Variants in ADGB observed in about 807,000 individuals in gnomAD.
ADGB encodes calpain-7-like protein.
Under a neutral mutation model 210.5 loss-of-function variants are expected in ADGB, and 172 were observed. The observed-to-expected ratio is 0.82, with a 90% CI of 0.72 to 0.93. ADGB has a LOEUF of 0.93. Among genes scored for constraint, ADGB ranks in the 40% least tolerant of loss-of-function variants. The pLI is 0.00. For synonymous variants in ADGB, 658 were observed against 662.7 expected, an observed-to-expected ratio of 0.99 and a Z score of 0.11; for missense variants, 2,025 against 1,964.8, an observed-to-expected ratio of 1.03 and a Z score of -0.58.
chr6:146,696,358 G>T (rs1279488178), intron 12 of ADGB, among the ~76,000 whole-genome samples: 1 of 149,402 alleles, frequency 6.7e-6, no homozygotes, highest in Non-Finnish European at 1.5e-5. Flanking sequence ...TTACAGGTGT[G>T]AGCCACAGTG....
At chr6:146,703,925 C>T (rs1323820710) in intron 13 of ADGB, among the ~76,000 whole-genome samples, 2 of 151,778 alleles carry the variant, frequency 1.3e-5, no homozygotes, top group Non-Finnish European at 2.9e-5. Context: ...TCTACCTTCT[C>T]ACCAGCAATA....
chr6:146,750,479 G>T (rs943503983), intron 26 of ADGB, among the ~76,000 whole-genome samples: 1 of 152,022 alleles, frequency 6.6e-6, no homozygotes, highest in Non-Finnish European at 1.5e-5. Context: ...TATCACTTGA[G>T]CCCAGGAGTT....
intron 1 of ADGB, among the ~76,000 whole-genome samples, chr6:146,612,043 C>T (rs1310394265): frequency 1.3e-5 from 2 of 152,074 alleles, no homozygotes; most frequent in African/African-American, 4.8e-5. Context: ...AGACTGCTCT[C>T]CTGGGTCGTT....
intron 1 of ADGB, among the ~76,000 whole-genome samples, chr6:146,604,793 C>T (rs1444688747): frequency 6.6e-6 from 1 of 152,032 alleles, no homozygotes; most frequent in Non-Finnish European, 1.5e-5. Flanking sequence ...TAGAGTAATG[C>T]CACACTTGAC....
At position 146,635,412 on chromosome 6, in the gene ADGB, A is replaced by T. The variant is rs542495278; in HGVS notation, c.112A>T (p.Thr38Ser). 8 of 1,546,838 alleles carry T rather than the reference A, an allele frequency of 5.2e-6. No individual in the cohort carries two copies. In the East Asian group the frequency reaches 1.7e-4, roughly 33 times the overall value. ...TGGCAGTAATGTACAATCTGGTTCT[A>T]CTGAACAAAAGAAGGGGAAATTCCC... ...PFGSNVQSGS[T>S]EQKKGKFPLW... Residue 38 changes from threonine to serine, a missense_variant, in exon 2 of 36, where the codon ACT (threonine) becomes TCT (serine). Physicochemically the swap from Thr to Ser is moderately conservative, Grantham distance 58. Transcript: ENST00000397944.
At chr6:146,802,124 G>T (rs1048536935) in intron 35 of ADGB, 113 bp downstream of exon 35, 1 of 745,330 alleles carries the variant, frequency 1.3e-6, no homozygotes, top group Non-Finnish European at 1.9e-6. Context: ...GAAAACATAG[G>T]TTTCTATTAT....
Position 146,801,166 on chromosome 6 carries a change from G to T in ADGB, c.4538-17G>T. The T allele has an allele frequency of 7.1e-7, 1 of 1,411,888 alleles. No individual in the cohort carries two copies. The highest frequency in any genetic ancestry group is 9.5e-7 in the Non-Finnish European group (1 of 1,057,730). The allele number at this position is 1,411,888 out of a possible 1,614,324, so 87.5% of individuals were successfully genotyped here. On this transcript the variant is annotated splice_polypyrimidine_tract_variant and intron_variant, in intron 33 of 35. Transcript: ENST00000397944. Reference sequence around the variant, plus strand: ...TTAAAGCCTAGGTTTTTTGTTGTGTGTGTGTTTTTTTTAAAGAAACAGGAC... The same window carrying T: ...TTAAAGCCTAGGTTTTTTGTTGTGTTTGTGTTTTTTTTAAAGAAACAGGAC...
intron 33 of ADGB, among the ~76,000 whole-genome samples, chr6:146,799,838 C>CT (rs1778099658): frequency 3.3e-5 from 5 of 151,966 alleles, no homozygotes; most frequent in Non-Finnish European, 7.4e-5. Context: ...GAGACAGAGT[C>CT]TCACTCTGTC....
intron 7 of ADGB, among the ~76,000 whole-genome samples, chr6:146,671,614 T>G (rs1776009687): frequency 6.6e-6 from 1 of 152,130 alleles, no homozygotes; most frequent in African/African-American, 2.4e-5. Context: ...CACACATTTA[T>G]GGATAAACTC....
At chr6:146,661,185 C>CTTTTCTT (rs1315364283) in intron 5 of ADGB, among the ~76,000 whole-genome samples, 1 of 145,106 alleles carries the variant, frequency 6.9e-6, no homozygotes, top group African/African-American at 2.5e-5. Context: ...ATATAGCTTT[C>CTTTTCTT]TTTTCCTTTT....
At chr6:146,714,186 C>T (rs1202699955) in intron 13 of ADGB, among the ~76,000 whole-genome samples, 3 of 152,158 alleles carry the variant, frequency 2.0e-5, no homozygotes, top group African/African-American at 4.8e-5. Context: ...ATTTAAGGCA[C>T]CAAAGAGTTG....
At chr6:146,630,789 G>A (rs1781053799) in intron 1 of ADGB, among the ~76,000 whole-genome samples, 2 of 152,136 alleles carry the variant, frequency 1.3e-5, no homozygotes, top group South Asian at 4.1e-4. Flanking sequence ...AGATGAATGA[G>A]AAAATCCACC....
At chr6:146,808,432 G>A (rs1778246499) in intron 35 of ADGB, among the ~76,000 whole-genome samples, 2 of 151,738 alleles carry the variant, frequency 1.3e-5, no homozygotes, top group African/African-American at 4.8e-5. Flanking sequence ...GGTGTAGAGA[G>A]CGTGTGATCT....
intron 29 of ADGB, among the ~76,000 whole-genome samples, chr6:146,775,258 G>A (rs1446298102): frequency 6.6e-6 from 1 of 151,578 alleles, no homozygotes; most frequent in African/African-American, 2.4e-5. Context: ...TAATTTGTGG[G>A]GTTTTTTTCA....
At chr6:146,691,453 TATATAA>T (rs1395772022) in intron 11 of ADGB, among the ~76,000 whole-genome samples, 163 bp downstream of exon 11, 3 of 19,508 alleles carry the variant, frequency 1.5e-4, no homozygotes, top group African/African-American at 1.0e-3. Context: ...AAAATATATA[TATATAA>T]AAATATATAT....
At chr6:146,749,948 C>T (rs1777296592) in intron 26 of ADGB, among the ~76,000 whole-genome samples, 1 of 152,074 alleles carries the variant, frequency 6.6e-6, no homozygotes, top group Admixed American at 6.6e-5. Flanking sequence ...TCACCTCCTA[C>T]CAGGCTGCTC....
intron 1 of ADGB, among the ~76,000 whole-genome samples, chr6:146,615,303 C>T (rs955985421): frequency 1.3e-5 from 2 of 151,058 alleles, no homozygotes; most frequent in African/African-American, 2.5e-5. Context: ...AGGGATCCAC[C>T]CCCACAGTCA....
intron 13 of ADGB, among the ~76,000 whole-genome samples, chr6:146,705,167 A>G (rs1776550589): frequency 6.6e-6 from 1 of 152,072 alleles, no homozygotes. Flanking sequence ...GAGTTTATAT[A>G]TTAGATCTAA....
At chr6:146,810,141 G>C (rs1008290527) in intron 35 of ADGB, among the ~76,000 whole-genome samples, 2 of 152,062 alleles carry the variant, frequency 1.3e-5, no homozygotes, top group Non-Finnish European at 2.9e-5. Context: ...TTTAAAAATG[G>C]GCAAAGGACT....
Sources: gnomAD v4.1 joint callset for allele counts (sites outside exome capture counted in the v4.1 genomes callset) on GRCh38, gnomAD v4.1.1 for gene constraint, MANE v1.5 for transcripts, NCBI Gene and HGNC (gene_info 2026-07-23, HGNC 2026-07-21) for gene names.